Variants in UGT1A7 observed in about 807,000 individuals in gnomAD.
UGT1A7 encodes the protein UDP-glucuronosyltransferase 1A7.
A neutral mutation model predicts 45.6 loss-of-function variants in UGT1A7; 33 were observed. The observed-to-expected ratio is 0.72, with a 90% CI of 0.55 to 0.97. UGT1A7 has a LOEUF of 0.97. Ranked by LOEUF, UGT1A7 falls within the 50% of genes least tolerant of loss-of-function variation. The pLI is 0.00. For synonymous variants in UGT1A7, 274 were observed against 250.6 expected, an observed-to-expected ratio of 1.09 and a Z score of -0.88; for missense variants, 684 against 666.2, an observed-to-expected ratio of 1.03 and a Z score of -0.29.
At chr2:233,717,804 C>G (rs147106885) in intron 1 of UGT1A7, 15 of 456,002 alleles carry the variant, frequency 3.3e-5, no homozygotes, top group African/African-American at 1.6e-4. Context: ...AGTGCCCCCA[C>G]AAATTATGCA....
At chr2:233,699,564 G>T (rs757695446) in intron 1 of UGT1A7, among the ~76,000 whole-genome samples, 1 of 152,214 alleles carries the variant, frequency 6.6e-6, no homozygotes, top group Admixed American at 6.5e-5. Context: ...CATGGCCAGA[G>T]CTCTGGCTCT....
chr2:233,734,198 C>T (rs930421172), intron 1 of UGT1A7, among the ~76,000 whole-genome samples: 6 of 152,124 alleles, frequency 3.9e-5, no homozygotes, highest in African/African-American at 1.2e-4. Context: ...GCCTCAATTT[C>T]AGAGCCTGTT....
intron 1 of UGT1A7, among the ~76,000 whole-genome samples, chr2:233,734,931 C>A (rs921627257): frequency 5.3e-5 from 8 of 152,162 alleles, no homozygotes; most frequent in African/African-American, 1.7e-4. Context: ...GCTTTACTTA[C>A]AATCATATGG....
At chr2:233,697,352 A>G (rs2075386143) in intron 1 of UGT1A7, among the ~76,000 whole-genome samples, 1 of 151,986 alleles carries the variant, frequency 6.6e-6, no homozygotes, top group Admixed American at 6.6e-5. Flanking sequence ...TAGGTTTTCT[A>G]ATTTGTTGGC....
At chr2:233,691,215 C>T (rs2075032579) in intron 1 of UGT1A7, 1 of 985,604 alleles carries the variant, frequency 1.0e-6, no homozygotes, top group Non-Finnish European at 1.2e-6. Context: ...CCCTTTGCAA[C>T]CTTCCTGGAG....
At chr2:233,760,330 C>G (rs2125982719) in intron 1 of UGT1A7, 1 of 1,614,052 alleles carries the variant, frequency 6.2e-7, no homozygotes. Flanking sequence ...TGTCCTGGGC[C>G]TGCTGCTGTG....
chr2:233,700,690 A>T (rs369604728), intron 1 of UGT1A7, among the ~76,000 whole-genome samples: 121 of 152,202 alleles, frequency 7.9e-4, no homozygotes, highest in African/African-American at 2.8e-3. Context: ...TAATATATAA[A>T]CTACACTTTG....
At chr2:233,687,907 C>T (rs1438688999) in intron 1 of UGT1A7, among the ~76,000 whole-genome samples, 1 of 151,952 alleles carries the variant, frequency 6.6e-6, no homozygotes, top group Non-Finnish European at 1.5e-5. Flanking sequence ...GACCTTGTCT[C>T]AAAATAAATA....
intron 1 of UGT1A7, chr2:233,717,992 T>C: frequency 2.4e-6 from 1 of 424,356 alleles, no homozygotes; most frequent in Non-Finnish European, 4.7e-6. Flanking sequence ...ATTCAGACTG[T>C]GCAAGATCTG....
intron 1 of UGT1A7, chr2:233,760,247 T>TAA: frequency 6.2e-7 from 1 of 1,608,794 alleles, no homozygotes; most frequent in Non-Finnish European, 8.5e-7. Flanking sequence ...TATATATATA[T>TAA]AAGTAGGAGA....
At chr2:233,710,619 T>C (rs1407259105) in intron 1 of UGT1A7, among the ~76,000 whole-genome samples, 1 of 152,230 alleles carries the variant, frequency 6.6e-6, no homozygotes, top group Non-Finnish European at 1.5e-5. Flanking sequence ...TCTTCTTATA[T>C]TTGAGTAGTG....
chr2:233,764,795 T>A (rs148070412), intron 1 of UGT1A7, among the ~76,000 whole-genome samples: 1 of 152,200 alleles, frequency 6.6e-6, no homozygotes, highest in East Asian at 1.9e-4. Flanking sequence ...CCTCAGGGTG[T>A]TCTTGCTACA....
At chr2:233,735,562 T>C (rs1021326585) in intron 1 of UGT1A7, among the ~76,000 whole-genome samples, 3 of 152,204 alleles carry the variant, frequency 2.0e-5, no homozygotes, top group Non-Finnish European at 4.4e-5. Context: ...TATGGTGTTA[T>C]CGGGTTATTT....
intron 1 of UGT1A7, among the ~76,000 whole-genome samples, chr2:233,740,070 C>T (rs1691295893): frequency 6.6e-6 from 1 of 151,860 alleles, no homozygotes; most frequent in South Asian, 2.1e-4. Context: ...AGCTTTTCCT[C>T]TCTGTCTCTC....
At position 233,719,215 on chromosome 2, in the gene UGT1A7, T is replaced by C. The variant is rs72551337; in HGVS notation, c.855+36423T>C. ...CTTCATAGGTGTTGTGTGGAGCTAC[T>C]GCATAATGAGGCCCTGATCAGGCAC... On this transcript the variant is annotated intron_variant, in intron 1 of 4. Coordinates refer to ENST00000373426, the MANE Select transcript of UGT1A7 (RefSeq NM_019077.3). The C allele has an allele frequency of 1.5e-5, 25 of 1,614,228 alleles. No individual in the cohort carries two copies. In the East Asian group the frequency reaches 2.9e-4, roughly 19 times the overall value.
rs1208315583 is a variant in UGT1A7, at chr2:233,737,341, G to A, written c.856-29693G>A. 7.9e-5 allele frequency among the ~76,000 whole-genome samples: 12 copies of A among 152,224 alleles called. No homozygotes were observed. In the East Asian group the frequency reaches 2.1e-3, roughly 27 times the overall value. On this transcript the variant is annotated intron_variant, in intron 1 of 4. Coordinates refer to ENST00000373426, the MANE Select transcript of UGT1A7 (RefSeq NM_019077.3). ...CTGCACTAGCAGTGAGCAAGGCTCCGTGGGCATGGGAGCTGCTAAGCCAGG... is the reference window on the plus strand; with the variant it reads ...CTGCACTAGCAGTGAGCAAGGCTCCATGGGCATGGGAGCTGCTAAGCCAGG...
At chr2:233,707,135 C>A (rs2075943267) in intron 1 of UGT1A7, among the ~76,000 whole-genome samples, 1 of 152,064 alleles carries the variant, frequency 6.6e-6, no homozygotes, top group African/African-American at 2.4e-5. Context: ...GCTTTCTATC[C>A]CGGAGGTCAC....
chr2:233,719,718 T>C, intron 1 of UGT1A7: 1 of 1,613,900 alleles, frequency 6.2e-7, no homozygotes, highest in Non-Finnish European at 8.5e-7. Flanking sequence ...CCAATCAATG[T>C]TCCAGGCAAA....
intron 1 of UGT1A7, among the ~76,000 whole-genome samples, chr2:233,727,971 C>G (rs1256650182): frequency 6.6e-6 from 1 of 152,196 alleles, no homozygotes; most frequent in Non-Finnish European, 1.5e-5. Context: ...CTGAGGTGAC[C>G]AGGACAAGGT....
Sources: allele counts gnomAD v4.1 joint callset (sites outside exome capture counted in the v4.1 genomes callset), GRCh38; gene constraint gnomAD v4.1.1; transcripts MANE v1.5; gene names NCBI Gene and HGNC (gene_info 2026-07-23, HGNC 2026-07-21).